SLC4A1AP: variants seen among roughly 807,000 people sequenced by gnomAD.
SLC4A1AP encodes solute carrier family 4 member 1 adaptor protein.
SLC4A1AP carries 64 observed loss-of-function variants against 89.7 expected under a neutral mutation model. The observed-to-expected ratio is 0.71, with a 90% CI of 0.58 to 0.88. The LOEUF is 0.88. Among genes scored for constraint, SLC4A1AP ranks in the 40% least tolerant of loss-of-function variants. SLC4A1AP has a pLI of 0.00. For missense variants in SLC4A1AP, 931 were observed against 965.0 expected, an observed-to-expected ratio of 0.96 and a Z score of 0.47; for synonymous variants, 366 against 353.3, an observed-to-expected ratio of 1.04 and a Z score of -0.40.
intron 8 of SLC4A1AP, among the ~76,000 whole-genome samples, chr2:27,680,854 C>T (rs1352785247): frequency 2.0e-5 from 3 of 147,536 alleles, no homozygotes; most frequent in African/African-American, 7.5e-5. Flanking sequence ...AAAAAAAAAA[C>T]GAAAACGAAA....
intron 8 of SLC4A1AP, among the ~76,000 whole-genome samples, chr2:27,679,764 TG>T (rs879455920): frequency 6.6e-6 from 1 of 151,846 alleles, no homozygotes; most frequent in Non-Finnish European, 1.5e-5. Context: ...AAAATGATGG[TG>T]GGGGAAGAAT....
chr2:27,664,439 G>A lies in SLC4A1AP; in HGVS notation c.687G>A (p.Pro229=), dbSNP rs778017830. 5 of 1,614,214 alleles carry A rather than the reference G, an allele frequency of 3.1e-6. No homozygotes were observed. The South Asian group carries it at 5.5e-5, about 18-fold the overall frequency. Residue 229 remains proline (P), a synonymous_variant, in exon 1 of 14, where the codon CCG becomes CCA. Coordinates refer to ENST00000613058, the Ensembl canonical transcript of SLC4A1AP. ...ACGGAGAATGCGACAGCAACGGGCCGGGCTTCTACCTCTACGATCTGGGAA... is the reference window on the plus strand; with the variant it reads ...ACGGAGAATGCGACAGCAACGGGCCAGGCTTCTACCTCTACGATCTGGGAA...
At chr2:27,670,578 C>T (rs539444315) in intron 5 of SLC4A1AP, among the ~76,000 whole-genome samples, 19 of 151,818 alleles carry the variant, frequency 1.3e-4, no homozygotes, top group African/African-American at 1.9e-4. Flanking sequence ...ATTTCTTGGC[C>T]GGGCGCGGTT....
At chr2:27,686,389 A>AT (rs1223597694) in intron 10 of SLC4A1AP, among the ~76,000 whole-genome samples, 1 of 152,182 alleles carries the variant, frequency 6.6e-6, no homozygotes, top group African/African-American at 2.4e-5. Flanking sequence ...AAGTATCATA[A>AT]TTTTTTTGTT....
intron 9 of SLC4A1AP, 139 bp downstream of exon 9, chr2:27,682,498 C>T: frequency 2.0e-6 from 1 of 488,694 alleles, no homozygotes; most frequent in Admixed American, 4.0e-5. Flanking sequence ...ATGATCACAT[C>T]TTTCCCAGAA....
At position 27,681,780 on chromosome 2, in the gene SLC4A1AP, A is replaced by G. The variant is rs759958965; in HGVS notation, c.1764-468A>G. 2.6e-4 allele frequency among the ~76,000 whole-genome samples: 40 copies of G among 151,946 alleles called. 1 individual carries two copies. Among genetic ancestry groups the G allele is most frequent in the Middle Eastern group, 6.8e-3 (2 of 294 alleles). On this transcript the variant is annotated intron_variant, in intron 8 of 13. Transcript: ENST00000613058. Reference sequence around the variant, plus strand: ...CTCACTATATCTTTGTCATTACTACACTGGGTATCCTGCATACTGTACCCC... The same window carrying G: ...CTCACTATATCTTTGTCATTACTACGCTGGGTATCCTGCATACTGTACCCC...
At chr2:27,673,745 T>C (rs1675468618) in intron 5 of SLC4A1AP, among the ~76,000 whole-genome samples, 2 of 152,080 alleles carry the variant, frequency 1.3e-5, no homozygotes, top group South Asian at 4.1e-4. Context: ...TAGATATGTG[T>C]GTTTAATGTA....
intron 7 of SLC4A1AP, 131 bp from the exon 8 acceptor site, chr2:27,677,607 T>G: frequency 1.3e-6 from 1 of 746,736 alleles, no homozygotes; most frequent in Non-Finnish European, 2.2e-6. Flanking sequence ...CTATAACCTG[T>G]TCCTTATTCC....
At chr2:27,665,397 A>T in intron 2 of SLC4A1AP, 102 bp downstream of exon 2, 1 of 989,588 alleles carries the variant, frequency 1.0e-6, no homozygotes, top group Non-Finnish European at 1.5e-6. Flanking sequence ...TGGCTCCTTG[A>T]GATAGATAGG....
At chr2:27,664,081 A>G (rs1675253335) in exon 1 of SLC4A1AP, 6 of 1,614,056 alleles carry the variant, frequency 3.7e-6, no homozygotes, top group Non-Finnish European at 5.1e-6. Context: ...GCGTTGCAGG[A>G]CTCCAATTCT....
At chr2:27,694,592 G>C in intron 13 of SLC4A1AP, 42 bp from the exon 14 acceptor site, 1 of 1,436,882 alleles carries the variant, frequency 7.0e-7, no homozygotes, top group South Asian at 1.4e-5. Context: ...CCTGACTTTG[G>C]AAGAGTAAAT....
intron 5 of SLC4A1AP, among the ~76,000 whole-genome samples, chr2:27,673,417 TCC>T (rs1289263372): frequency 2.0e-4 from 7 of 34,762 alleles, no homozygotes; most frequent in African/African-American, 9.2e-4. Context: ...CCTCCCTCCC[TCC>T]CTCCCTCCCT....
chr2:27,677,498 C>G, intron 7 of SLC4A1AP, 134 bp downstream of exon 7: 1 of 688,934 alleles, frequency 1.5e-6, no homozygotes, highest in East Asian at 2.7e-5. Context: ...CGTTTTAGAA[C>G]TAGAAAGAAC....
At chr2:27,677,352 G>C (rs1478563206) in exon 7 of SLC4A1AP, 1 of 1,612,556 alleles carries the variant, frequency 6.2e-7, no homozygotes, top group African/African-American at 1.3e-5. Flanking sequence ...GAGATTGAAA[G>C]CCTCAAGCCA....
At chr2:27,690,317 C>T (rs1675770640) in intron 12 of SLC4A1AP, among the ~76,000 whole-genome samples, 1 of 152,058 alleles carries the variant, frequency 6.6e-6, no homozygotes, top group Non-Finnish European at 1.5e-5. Flanking sequence ...CAGCCTCCTC[C>T]CTCTGAGTCT....
intron 2 of SLC4A1AP, among the ~76,000 whole-genome samples, chr2:27,666,359 A>ACCC (rs1553363258): frequency 3.0e-3 from 10 of 3,364 alleles, no homozygotes; most frequent in Non-Finnish European, 5.4e-3. Context: ...TCCACCCCCC[A>ACCC]CCCCCCCCCC....
intron 5 of SLC4A1AP, among the ~76,000 whole-genome samples, chr2:27,670,295 G>A (rs932634635): frequency 9.2e-5 from 14 of 151,846 alleles, no homozygotes; most frequent in African/African-American, 3.4e-4. Context: ...ACTGCGCCTG[G>A]CCGTATCACG....
rs566570448 is a variant in SLC4A1AP at position 27,690,973 on chromosome 2, A to G, written c.2271+2206A>G. On this transcript the variant is annotated intron_variant, in intron 12 of 13. Transcript: ENST00000613058. ...ATTGAGGATTTTTGCGTCTGTGTTC[A>G]CCAGGGATATTGGGCTCTAGTTTTC... 3.9e-5 allele frequency among the ~76,000 whole-genome samples: 6 copies of G among 151,938 alleles called. No individual in the cohort carries two copies. The East Asian group carries it at 1.2e-3, about 29-fold the overall frequency.
chr2:27,680,861 G>A (rs1473740634), intron 8 of SLC4A1AP, among the ~76,000 whole-genome samples: 1 of 149,150 alleles, frequency 6.7e-6, no homozygotes, highest in Admixed American at 6.7e-5. Flanking sequence ...AAACGAAAAC[G>A]AAATATGTCT....
Sources: allele counts gnomAD v4.1 joint callset (sites outside exome capture counted in the v4.1 genomes callset), GRCh38; gene constraint gnomAD v4.1.1; transcripts MANE v1.5; gene names NCBI Gene and HGNC (gene_info 2026-07-23, HGNC 2026-07-21).